Variants in KCNMA1 observed in about 807,000 individuals in gnomAD.
KCNMA1 encodes potassium calcium-activated channel subfamily M alpha 1, also known as Calcium-activated potassium channel subunit alpha-1.
In KCNMA1, 29 loss-of-function variants were observed where a neutral mutation model predicts 140.0. That is an observed-to-expected ratio of 0.21 (90% CI 0.15 to 0.28). The LOEUF (loss-of-function observed/expected upper bound fraction) is 0.28. KCNMA1 is among the 10% of genes least tolerant of loss of function. KCNMA1 has a pLI of 1.00. For synonymous variants in KCNMA1, 612 were observed against 611.9 expected (o/e 1.00, Z 0.00); for missense variants, 880 against 1,602.2 (o/e 0.55, Z 7.70).
chr10:77,128,371 G>T (rs1596553030), intron 5 of KCNMA1, among the ~76,000 whole-genome samples: 1 of 143,904 alleles, frequency 6.9e-6, no homozygotes, highest in Non-Finnish European at 1.5e-5. Flanking sequence ...AAATTTTTTT[G>T]GCCATCCCCA....
chr10:77,107,653 C>T (rs541036511), intron 9 of KCNMA1, among the ~76,000 whole-genome samples: 5 of 152,176 alleles, frequency 3.3e-5, no homozygotes, highest in East Asian at 1.9e-4. Context: ...AAATAGTTCC[C>T]GAGAAGAAAG....
intron 1 of KCNMA1, among the ~76,000 whole-genome samples, chr10:77,595,177 C>T (rs1234323702): frequency 6.6e-6 from 1 of 152,044 alleles, no homozygotes; most frequent in Non-Finnish European, 1.5e-5. Context: ...GAAACCCCAT[C>T]TCTACTAAAA....
chr10:76,967,686 G>T (rs892019598), intron 20 of KCNMA1, among the ~76,000 whole-genome samples: 1 of 152,144 alleles, frequency 6.6e-6, no homozygotes, highest in Non-Finnish European at 1.5e-5. Flanking sequence ...GCTGGGCTGC[G>T]AAGGGAGACC....
At chr10:77,191,727 TA>T (rs955385196) in intron 3 of KCNMA1, among the ~76,000 whole-genome samples, 7 of 152,282 alleles carry the variant, frequency 4.6e-5, no homozygotes, top group Admixed American at 4.6e-4. Flanking sequence ...CCCCCTTTTT[TA>T]ATCTTAAAAC....
chr10:76,899,329 T>G (rs1486967582), intron 25 of KCNMA1, among the ~76,000 whole-genome samples: 1 of 152,154 alleles, frequency 6.6e-6, no homozygotes, highest in Non-Finnish European at 1.5e-5. Context: ...TCCTCTCATG[T>G]AGTATAGTAA....
intron 1 of KCNMA1, among the ~76,000 whole-genome samples, chr10:77,503,766 G>A (rs946385715): frequency 2.0e-5 from 3 of 152,184 alleles, no homozygotes; most frequent in African/African-American, 4.8e-5. Flanking sequence ...AAGAAACTCA[G>A]GGGAGCCAGT....
At chr10:76,976,814 A>C (rs938270169) in intron 19 of KCNMA1, among the ~76,000 whole-genome samples, 35 of 152,136 alleles carry the variant, frequency 2.3e-4, no homozygotes, top group African/African-American at 8.0e-4. Flanking sequence ...CCTCAAGGGC[A>C]AAGAAAAGTC....
intron 3 of KCNMA1, among the ~76,000 whole-genome samples, chr10:77,196,536 T>G (rs2040559943): frequency 6.6e-6 from 1 of 152,180 alleles, no homozygotes; most frequent in African/African-American, 2.4e-5. Flanking sequence ...TGTTATGAAA[T>G]TCTAAGCAAA....
chr10:77,557,196 T>C (rs1194266505), intron 1 of KCNMA1, among the ~76,000 whole-genome samples: 3 of 152,224 alleles, frequency 2.0e-5, no homozygotes. Context: ...TCTTGAAAGC[T>C]GTCAATCACT....
intron 3 of KCNMA1, among the ~76,000 whole-genome samples, chr10:77,244,668 C>G (rs943995992): frequency 9.2e-5 from 14 of 152,186 alleles, no homozygotes; most frequent in Admixed American, 7.2e-4. Flanking sequence ...TACTCTCCAC[C>G]TGTCTTCTCT....
At chr10:77,559,198 G>C (rs1028869153) in intron 1 of KCNMA1, among the ~76,000 whole-genome samples, 2 of 152,198 alleles carry the variant, frequency 1.3e-5, no homozygotes, top group Non-Finnish European at 2.9e-5. Flanking sequence ...CTGAGGCTGA[G>C]AAGCACACAC....
At chr10:77,480,034 G>T (rs1422578408) in intron 1 of KCNMA1, among the ~76,000 whole-genome samples, 1 of 152,196 alleles carries the variant, frequency 6.6e-6, no homozygotes, top group Non-Finnish European at 1.5e-5. Context: ...GGTTAAGGAG[G>T]AGAACCGTCT....
At chr10:76,984,731 G>A (rs916331577) in intron 19 of KCNMA1, among the ~76,000 whole-genome samples, 1 of 140,372 alleles carries the variant, frequency 7.1e-6, no homozygotes, top group African/African-American at 2.6e-5. Context: ...TATTGTGTGT[G>A]TAGTTACCTT....
chr10:77,181,672 C>T (rs975226501), intron 5 of KCNMA1, among the ~76,000 whole-genome samples: 1 of 152,150 alleles, frequency 6.6e-6, no homozygotes, highest in Non-Finnish European at 1.5e-5. Context: ...ACGTAAGTTA[C>T]ACTGAGGACA....
chr10:77,235,499 T>A (rs1438180089), intron 3 of KCNMA1, among the ~76,000 whole-genome samples: 2 of 152,048 alleles, frequency 1.3e-5, no homozygotes, highest in Non-Finnish European at 2.9e-5. Flanking sequence ...GCAAATGAGA[T>A]CTAACCAAAG....
chr10:77,466,380 G>T (rs2098013731), intron 1 of KCNMA1, among the ~76,000 whole-genome samples: 1 of 152,162 alleles, frequency 6.6e-6, no homozygotes, highest in African/African-American at 2.4e-5. Context: ...AGCCACCCAT[G>T]TATCTCAGAG....
chr10:77,378,533 C>A (rs1376464986), intron 2 of KCNMA1, among the ~76,000 whole-genome samples: 4 of 152,078 alleles, frequency 2.6e-5, no homozygotes, highest in Non-Finnish European at 4.4e-5. Flanking sequence ...AGAGAAAAGC[C>A]CTGGTTTGGG....
At chr10:77,523,400 A>T (rs889856388) in intron 1 of KCNMA1, among the ~76,000 whole-genome samples, 6 of 152,178 alleles carry the variant, frequency 3.9e-5, no homozygotes, top group African/African-American at 1.4e-4. Context: ...GTTTGCTTCA[A>T]ATGGAGGTAT....
chr10:77,210,320 A>T (rs1378828967), intron 3 of KCNMA1, among the ~76,000 whole-genome samples: 3 of 152,202 alleles, frequency 2.0e-5, no homozygotes, highest in Admixed American at 2.0e-4. Flanking sequence ...AAAACACATG[A>T]TCATCTCAAT....
Sources: allele counts gnomAD v4.1 joint callset (sites outside exome capture counted in the v4.1 genomes callset), GRCh38; gene constraint gnomAD v4.1.1; transcripts MANE v1.5; gene names NCBI Gene and HGNC (gene_info 2026-07-23, HGNC 2026-07-21).